Variants in RALYL observed in about 807,000 individuals in gnomAD.
RALYL encodes the protein RNA-binding Raly-like protein.
A neutral mutation model predicts 35.1 loss-of-function variants in RALYL; 29 were observed. The observed-to-expected ratio is 0.83, with a 90% CI of 0.61 to 1.13. The LOEUF is 1.13. Ranked by LOEUF, RALYL falls within the 50% of genes most tolerant of loss-of-function variation. RALYL has a pLI of 0.00. For missense variants in RALYL, 359 were observed against 360.4 expected (o/e 1.00, Z 0.03); for synonymous variants, 120 against 127.6 (o/e 0.94, Z 0.40).
chr8:84,368,655 T>TC (rs1855045848), intron 1 of RALYL, among the ~76,000 whole-genome samples: 1 of 152,106 alleles, frequency 6.6e-6, no homozygotes, highest in South Asian at 2.1e-4. Flanking sequence ...GGAAATTTAC[T>TC]CCCCCTTATA....
chr8:84,833,149 T>C (rs937221641), intron 4 of RALYL, among the ~76,000 whole-genome samples: 3 of 152,194 alleles, frequency 2.0e-5, no homozygotes, highest in Admixed American at 2.0e-4. Flanking sequence ...TTATTTTTTA[T>C]ATAGGGTCAT....
chr8:84,316,820 T>G (rs1329977746), intron 1 of RALYL, among the ~76,000 whole-genome samples: 1 of 152,152 alleles, frequency 6.6e-6, no homozygotes, highest in African/African-American at 2.4e-5. Context: ...AGAAAAATGG[T>G]ATACTAAATC....
chr8:84,918,528 A>G (rs1204399467), intron 8 of RALYL, among the ~76,000 whole-genome samples: 1 of 152,098 alleles, frequency 6.6e-6, no homozygotes, highest in East Asian at 1.9e-4. Context: ...CAGCCAGTAG[A>G]TAAATTACCC....
intron 1 of RALYL, among the ~76,000 whole-genome samples, chr8:84,325,901 G>A (rs1007911451): frequency 6.6e-6 from 1 of 152,054 alleles, no homozygotes; most frequent in African/African-American, 2.4e-5. Flanking sequence ...AGGCTGAGGC[G>A]GTTGGATCTC....
At chr8:84,517,538 T>C (rs1564071947) in intron 1 of RALYL, among the ~76,000 whole-genome samples, 1 of 152,198 alleles carries the variant, frequency 6.6e-6, no homozygotes, top group Non-Finnish European at 1.5e-5. Flanking sequence ...AGAGGCTGTG[T>C]CATATATCCA....
chr8:84,332,694 C>T (rs920920713), intron 1 of RALYL, among the ~76,000 whole-genome samples: 4 of 152,064 alleles, frequency 2.6e-5, no homozygotes, highest in African/African-American at 9.7e-5. Flanking sequence ...CCTTTTATTG[C>T]CTGCTGCCAG....
chr8:84,886,681 A>G (rs1842960271), intron 7 of RALYL, among the ~76,000 whole-genome samples: 1 of 152,208 alleles, frequency 6.6e-6, no homozygotes, highest in Admixed American at 6.5e-5. Flanking sequence ...AATACCACCC[A>G]CTAGAGGAAA....
intron 2 of RALYL, among the ~76,000 whole-genome samples, chr8:84,533,479 T>C (rs187083342): frequency 6.6e-6 from 1 of 152,308 alleles, no homozygotes; most frequent in East Asian, 1.9e-4. Context: ...TAAATAAACA[T>C]TTGCAATGTC....
intron 1 of RALYL, among the ~76,000 whole-genome samples, chr8:84,382,846 C>T (rs375315429): frequency 2.0e-5 from 3 of 151,588 alleles, no homozygotes; most frequent in East Asian, 3.9e-4. Flanking sequence ...GAGCTTCTTT[C>T]GTAATAAAGA....
rs184819252 is a variant in RALYL at position 84,520,355 on chromosome 8, A to G, written c.-23-8944A>G. ...TTTGGTCACATTCCAGAGAATATGG[A>G]GAGAATATGAATGTACTTTAGGAGA... On this transcript the variant is annotated intron_variant, in intron 1 of 8. Transcript: ENST00000521268. Among the ~76,000 whole-genome samples, 360 of 152,294 alleles carry G rather than the reference A, an allele frequency of 2.4e-3. 2 individuals carry two copies. The highest frequency in any genetic ancestry group is 8.2e-3 in the African/African-American group (340 of 41,570).
At chr8:84,301,533 A>G (rs1840786516) in intron 1 of RALYL, among the ~76,000 whole-genome samples, 1 of 152,108 alleles carries the variant, frequency 6.6e-6, no homozygotes, top group Non-Finnish European at 1.5e-5. Flanking sequence ...GTGCGAGGCC[A>G]TAAAAATGAC....
intron 2 of RALYL, among the ~76,000 whole-genome samples, chr8:84,654,952 C>A (rs770589882): frequency 2.7e-5 from 4 of 149,924 alleles, no homozygotes; most frequent in Admixed American, 2.6e-4. Context: ...ATATACCTAG[C>A]GGTGGGATTG....
At chr8:84,414,253 A>G (rs1432077227) in intron 1 of RALYL, among the ~76,000 whole-genome samples, 1 of 152,162 alleles carries the variant, frequency 6.6e-6, no homozygotes, top group East Asian at 1.9e-4. Flanking sequence ...AGCAAAGAAA[A>G]TTAACAATAC....
intron 3 of RALYL, among the ~76,000 whole-genome samples, chr8:84,801,280 G>C (rs1823190047): frequency 6.6e-6 from 1 of 152,070 alleles, no homozygotes; most frequent in African/African-American, 2.4e-5. Flanking sequence ...TATCATCTAT[G>C]GCTTGGAGGA....
intron 1 of RALYL, among the ~76,000 whole-genome samples, chr8:84,309,790 G>A (rs894094197): frequency 3.3e-5 from 5 of 152,140 alleles, no homozygotes; most frequent in Non-Finnish European, 7.4e-5. Context: ...GTGGGTGTTT[G>A]TTTGTTTTTG....
chr8:84,401,617 G>C (rs1409478826), intron 1 of RALYL, among the ~76,000 whole-genome samples: 1 of 105,996 alleles, frequency 9.4e-6, no homozygotes, highest in Non-Finnish European at 1.7e-5. Flanking sequence ...CAGCCTGGGC[G>C]AAAGAGCTAG....
chr8:84,269,517 C>G (rs1833915099), intron 1 of RALYL, among the ~76,000 whole-genome samples: 1 of 152,070 alleles, frequency 6.6e-6, no homozygotes, highest in African/African-American at 2.4e-5. Flanking sequence ...AGTTTCAATT[C>G]CATTATCTAT....
At chr8:84,680,337 T>G (rs1835169051) in intron 2 of RALYL, among the ~76,000 whole-genome samples, 1 of 152,222 alleles carries the variant, frequency 6.6e-6, no homozygotes, top group African/African-American at 2.4e-5. Context: ...TATAGCAGCA[T>G]GATTTATAAT....
At chr8:84,870,999 C>A (rs79870978) in intron 6 of RALYL, among the ~76,000 whole-genome samples, 3 of 152,054 alleles carry the variant, frequency 2.0e-5, no homozygotes, top group Non-Finnish European at 4.4e-5. Context: ...CATTTGCTGC[C>A]CCCCCATTCT....
Sources: gnomAD v4.1 joint callset for allele counts (sites outside exome capture counted in the v4.1 genomes callset) on GRCh38, gnomAD v4.1.1 for gene constraint, MANE v1.5 for transcripts, NCBI Gene and HGNC (gene_info 2026-07-23, HGNC 2026-07-21) for gene names.